Variants in YPEL2 observed in about 807,000 individuals in gnomAD.
The protein encoded by YPEL2 is yippee like 2.
YPEL2 carries 2 observed loss-of-function variants against 19.1 expected under a neutral mutation model. The observed-to-expected ratio is 0.10, with a 90% CI of 0.04 to 0.33. YPEL2 has a LOEUF of 0.33. Ranked by LOEUF, YPEL2 falls within the 10% of genes least tolerant of loss-of-function variation. The pLI is 1.00. For missense variants in YPEL2, 66 were observed against 140.7 expected (o/e 0.47, Z 2.68); for synonymous variants, 52 against 50.0 (o/e 1.04, Z -0.17).
chr17:59,397,276 T>TGGTTCCATCCATTTAGGGGC lies in YPEL2; in HGVS notation c.*87_*106dup. 8.9e-7 allele frequency: 1 copy of TGGTTCCATCCATTTAGGGGC among 1,120,650 alleles called. No homozygotes were observed. Among genetic ancestry groups the TGGTTCCATCCATTTAGGGGC allele is most frequent in the Admixed American group, 2.5e-5 (1 of 39,806 alleles). The allele number at this position is 1,120,650 out of a possible 1,614,324, so 69.4% of individuals were successfully genotyped here. ...CAAGCGTGAGAGAGTGACTGACACTTGGTTCCATCCATTTAGGGGCCTTGC... is the reference window on the plus strand; with the variant it reads ...CAAGCGTGAGAGAGTGACTGACACTTGGTTCCATCCATTTAGGGGCGGTTCCATCCATTTAGGGGCCTTGC... On this transcript the variant is annotated 3_prime_UTR_variant, in exon 5 of 5. Coordinates refer to ENST00000312655, the MANE Select transcript of YPEL2 (RefSeq NM_001005404.4).
chr17:59,361,160 C>A (rs1018146025), intron 2 of YPEL2, among the ~76,000 whole-genome samples: 3 of 152,138 alleles, frequency 2.0e-5, no homozygotes, highest in African/African-American at 7.2e-5. Context: ...ACGGTTGGTC[C>A]ACAGTGGGAC....
intron 4 of YPEL2, among the ~76,000 whole-genome samples, chr17:59,390,328 G>C (rs2048001448): frequency 6.6e-6 from 1 of 152,040 alleles, no homozygotes; most frequent in Admixed American, 6.5e-5. Flanking sequence ...AATAAATAGA[G>C]ACAGGGTCTC....
chr17:59,397,837 G>T lies in YPEL2; in HGVS notation c.*647G>T, dbSNP rs957454534. 5 of 152,548 alleles carry T rather than the reference G, an allele frequency of 3.3e-5. No individual in the cohort carries two copies. Among genetic ancestry groups the T allele is most frequent in the Non-Finnish European group, 4.4e-5 (3 of 68,266 alleles). The allele number at this position is 152,548 out of a possible 1,614,324, so 9.4% of individuals were successfully genotyped here. ...TGGGGCAAGGGCCTGGTTCTCCTGGGCTGAGTGGGGGAGTGTCCTGGCAGC... is the reference window on the plus strand; with the variant it reads ...TGGGGCAAGGGCCTGGTTCTCCTGGTCTGAGTGGGGGAGTGTCCTGGCAGC... On this transcript the variant is annotated 3_prime_UTR_variant, in exon 5 of 5. Transcript: ENST00000312655.
At chr17:59,351,877 T>A (rs138410029) in intron 1 of YPEL2, among the ~76,000 whole-genome samples, 49 of 152,310 alleles carry the variant, frequency 3.2e-4, no homozygotes, top group African/African-American at 1.1e-3. Context: ...GTGGCTGATA[T>A]TGTCCTTCAG....
At chr17:59,392,081 T>C (rs1598054114) in intron 4 of YPEL2, among the ~76,000 whole-genome samples, 3 of 152,278 alleles carry the variant, frequency 2.0e-5, no homozygotes, top group Non-Finnish European at 4.4e-5. Context: ...ACAGTTCTAA[T>C]TGTGGTTATC....
At chr17:59,382,183 G>A (rs985503774) in intron 2 of YPEL2, among the ~76,000 whole-genome samples, 1 of 152,266 alleles carries the variant, frequency 6.6e-6, no homozygotes, top group Non-Finnish European at 1.5e-5. Context: ...AGGAAACAGA[G>A]GTTCATAGAT....
intron 2 of YPEL2, among the ~76,000 whole-genome samples, chr17:59,380,915 C>T (rs528334243): frequency 7.8e-4 from 118 of 152,218 alleles, no homozygotes; most frequent in Non-Finnish European, 1.0e-3. Context: ...TGCCTTTTGG[C>T]GTAATAGAGA....
At chr17:59,355,889 C>G (rs913059291) in intron 2 of YPEL2, 4 of 152,166 alleles carry the variant, frequency 2.6e-5, no homozygotes, top group African/African-American at 9.7e-5. Context: ...TGCATTAGAG[C>G]TTGATGATTT....
At chr17:59,357,757 C>T (rs1349375335) in intron 2 of YPEL2, among the ~76,000 whole-genome samples, 1 of 152,158 alleles carries the variant, frequency 6.6e-6, no homozygotes, top group Non-Finnish European at 1.5e-5. Context: ...CCCTTTGCCT[C>T]CCTCCTGCCA....
intron 4 of YPEL2, 114 bp from the exon 5 acceptor site, chr17:59,396,987 C>T (rs183231279): frequency 3.6e-5 from 24 of 658,966 alleles, no homozygotes; most frequent in African/African-American, 1.7e-4. Context: ...GTGGAGATTG[C>T]GTCATTGCAC....
chr17:59,352,280 T>C (rs1598031494), intron 1 of YPEL2, among the ~76,000 whole-genome samples: 1 of 152,182 alleles, frequency 6.6e-6, no homozygotes, highest in African/African-American at 2.4e-5. Flanking sequence ...CTTAGGCAGG[T>C]GAGCCACAGA....
chr17:59,390,030 T>C (rs1009746562), intron 4 of YPEL2, among the ~76,000 whole-genome samples: 4 of 152,206 alleles, frequency 2.6e-5, no homozygotes, highest in African/African-American at 9.7e-5. Flanking sequence ...AGACAGAGTT[T>C]TGGTCTGTCG....
At chr17:59,341,316 C>G (rs774293509) in intron 1 of YPEL2, among the ~76,000 whole-genome samples, 1 of 149,024 alleles carries the variant, frequency 6.7e-6, no homozygotes, top group Non-Finnish European at 1.5e-5. Context: ...CGCTTGAACC[C>G]GGGAGGCGGA....
chr17:59,376,510 G>A (rs2047921521), intron 2 of YPEL2, among the ~76,000 whole-genome samples: 1 of 152,182 alleles, frequency 6.6e-6, no homozygotes, highest in Non-Finnish European at 1.5e-5. Flanking sequence ...GAGCCACCAT[G>A]TCCGGCCAGA....
At chr17:59,338,661 C>T (rs1437395189) in intron 1 of YPEL2, among the ~76,000 whole-genome samples, 1 of 151,976 alleles carries the variant, frequency 6.6e-6, no homozygotes, top group Non-Finnish European at 1.5e-5. Flanking sequence ...GGATGTAGTT[C>T]TCAGCTACCA....
intron 2 of YPEL2, chr17:59,355,161 TTAACCTTCA>T (rs1414763232): frequency 6.6e-6 from 1 of 152,112 alleles, no homozygotes; most frequent in Non-Finnish European, 1.5e-5. Context: ...CAATGTTAAC[TTAACCTTCA>T]TATGAAGTCT....
Position 59,353,767 on chromosome 17 carries a change from G to T in YPEL2, c.117+241G>T. 1 of 475,624 alleles carries T rather than the reference G, an allele frequency of 2.1e-6. No homozygotes were observed. The highest frequency in any genetic ancestry group is 4.0e-6 in the Non-Finnish European group (1 of 252,026). The allele number at this position is 475,624 out of a possible 1,614,324, so 29.5% of individuals were successfully genotyped here. A position where few individuals can be genotyped will look rare whatever the true frequency, so the allele number is the denominator to read the frequency against. On this transcript the variant is annotated intron_variant, in intron 2 of 4. Coordinates refer to ENST00000312655, the MANE Select transcript of YPEL2 (RefSeq NM_001005404.4). This position sits in a 1 kb window ranked among gnomAD's most constrained non-coding sequence, Gnocchi z 4.8. Reference sequence around the variant, plus strand: ...TTGTTGGAGGCTTTGGGAGCTGGCAGCTTGCAAGCCAGAGAAGGGAGGGGC... The same window carrying T: ...TTGTTGGAGGCTTTGGGAGCTGGCATCTTGCAAGCCAGAGAAGGGAGGGGC...
At chr17:59,356,740 T>G (rs571950622) in intron 2 of YPEL2, among the ~76,000 whole-genome samples, 44 of 152,342 alleles carry the variant, frequency 2.9e-4, no homozygotes, top group African/African-American at 1.0e-3. Flanking sequence ...GAAGTCCAAG[T>G]TCAAGGCACC....
chr17:59,396,035 T>A (rs9889979), intron 4 of YPEL2, among the ~76,000 whole-genome samples: 3 of 151,804 alleles, frequency 2.0e-5, no homozygotes, highest in Non-Finnish European at 4.4e-5. Flanking sequence ...GAGCCGAGAT[T>A]GCACCACTGC....
Sources: allele counts gnomAD v4.1 joint callset (sites outside exome capture counted in the v4.1 genomes callset), GRCh38; gene constraint gnomAD v4.1.1; non-coding constraint Gnocchi (gnomAD v3.1); transcripts MANE v1.5; gene names NCBI Gene and HGNC (gene_info 2026-07-23, HGNC 2026-07-21).